PM20D2: variants seen among roughly 807,000 people sequenced by gnomAD.
PM20D2 encodes xaa-Arg dipeptidase.
In PM20D2, 33 loss-of-function variants were observed where a neutral mutation model predicts 42.9. The observed-to-expected ratio is 0.77, with a 90% confidence interval of 0.58 to 1.03. The LOEUF (loss-of-function observed/expected upper bound fraction) is 1.03. Among genes scored for constraint, PM20D2 ranks in the 50% least tolerant of loss-of-function variants. The pLI, the probability that PM20D2 is intolerant of heterozygous loss-of-function variation, is 0.00. For missense variants in PM20D2, 548 were observed against 557.0 expected, an observed-to-expected ratio of 0.98 and a Z score of 0.16; for synonymous variants, 250 against 228.2, an observed-to-expected ratio of 1.10 and a Z score of -0.86.
chr6:89,146,253 C>T lies in PM20D2; in HGVS notation c.109C>T (p.Arg37Trp), dbSNP rs756615899. 3 of 1,577,556 alleles carry T rather than the reference C, an allele frequency of 1.9e-6. No homozygotes were observed. Among genetic ancestry groups the T allele is most frequent in the Admixed American group, 1.7e-5 (1 of 58,006 alleles). ...SAECIDEAAE[R>W]LGALSRAIWS... ...GGAGTGCATCGACGAGGCGGCCGAG[C>T]GGCTGGGGGCCCTGAGCCGCGCGAT... Residue 37 changes from arginine (R) to tryptophan (W), a missense_variant, in exon 1 of 7, where the codon CGG becomes TGG. Arg to Trp is a moderately radical substitution (Grantham distance 101, BLOSUM62 -3). This residue lies in a region of PM20D2 where 470 missense variants were observed against 464.4 expected (regional missense o/e 1.01). Transcript: ENST00000275072.
the PM20D2 span, among the ~76,000 whole-genome samples, chr6:89,114,468 G>C: frequency 1.3e-5 from 2 of 152,120 alleles, no homozygotes; most frequent in African/African-American, 4.8e-5. Flanking sequence ...ATACATTATA[G>C]GGTTACTGCG....
chr6:89,117,885 C>T, the PM20D2 span: 2 of 1,562,674 alleles, frequency 1.3e-6, no homozygotes, highest in South Asian at 2.3e-5. Flanking sequence ...TGTAGCGAGA[C>T]ATGACCGCTT....
At chr6:89,099,479 T>C in the PM20D2 span, among the ~76,000 whole-genome samples, 880 of 146,722 alleles carry the variant, frequency 6.0e-3, 10 homozygotes, top group East Asian at 0.048. Context: ...TGTATATATA[T>C]ATGTGTGTGT....
chr6:89,124,515 C>A, the PM20D2 span, among the ~76,000 whole-genome samples: 1 of 152,130 alleles, frequency 6.6e-6, no homozygotes, highest in South Asian at 2.1e-4. Context: ...AGTTCTCTGG[C>A]GGGGAGTACT....
chr6:89,146,632 G>C, intron 1 of PM20D2, 23 bp downstream of exon 1: 2 of 1,381,048 alleles, frequency 1.4e-6, no homozygotes, highest in South Asian at 3.3e-5. Flanking sequence ...CCGGGTGCGG[G>C]ACCCTATCCG....
At chr6:89,127,997 G>T in the PM20D2 span, among the ~76,000 whole-genome samples, 4 of 152,158 alleles carry the variant, frequency 2.6e-5, no homozygotes, top group Non-Finnish European at 5.9e-5. Context: ...TGTGTTAACT[G>T]TACAAATTGA....
rs1771353485 is a variant in PM20D2, at chr6:89,164,748, A to T, written c.*2485A>T. The T allele has an allele frequency of 6.6e-6, 1 of 152,412 alleles. No homozygotes were observed. The highest frequency in any genetic ancestry group is 1.5e-5 in the Non-Finnish European group (1 of 67,968). 9.4% of individuals were successfully genotyped at this position (152,412 alleles called of 1,614,324 possible). On this transcript the variant is annotated 3_prime_UTR_variant, in exon 7 of 7. Transcript: ENST00000275072. ...AGACAAAATGTCTATGGTAGGGAAT[A>T]AAAGAGTTTAAGATATTATGTAAAA...
chr6:89,138,762 G>A, the PM20D2 span, among the ~76,000 whole-genome samples: 5 of 152,160 alleles, frequency 3.3e-5, no homozygotes, highest in African/African-American at 1.2e-4. Flanking sequence ...CTACTTGGGT[G>A]GCTGAGGTGG....
rs1268291886 is a variant in PM20D2 at position 89,163,750 on chromosome 6, G to C, written c.*1487G>C. 1 of 152,190 alleles carries C rather than the reference G, an allele frequency of 6.6e-6. No homozygotes were observed. Among genetic ancestry groups the C allele is most frequent in the East Asian group, 1.9e-4 (1 of 5,202 alleles). 9.4% of individuals were successfully genotyped at this position (152,190 alleles called of 1,614,324 possible). A position where few individuals can be genotyped will look rare whatever the true frequency, so the allele number is the denominator to read the frequency against. ...CTAAACTAGAGGTATAGGTGGACCTGCTTGAGGTATCTTTGTTTTTATGGA... is the reference window on the plus strand; with the variant it reads ...CTAAACTAGAGGTATAGGTGGACCTCCTTGAGGTATCTTTGTTTTTATGGA... On this transcript the variant is annotated 3_prime_UTR_variant, in exon 7 of 7. Coordinates refer to ENST00000275072, the MANE Select transcript of PM20D2 (RefSeq NM_001010853.3).
upstream of PM20D2, among the ~76,000 whole-genome samples, chr6:89,144,208 G>C (rs1478588159): frequency 8.5e-6 from 1 of 117,390 alleles, no homozygotes; most frequent in Non-Finnish European, 1.6e-5. Context: ...AGCTTGAAAT[G>C]AATCTGTCTT....
chr6:89,130,830 T>C, the PM20D2 span, among the ~76,000 whole-genome samples: 1 of 132,876 alleles, frequency 7.5e-6, no homozygotes, highest in African/African-American at 2.9e-5. Context: ...TTTTTTTTTT[T>C]TTTTTTTTTT....
the PM20D2 span, among the ~76,000 whole-genome samples, chr6:89,094,115 T>A: frequency 6.6e-6 from 1 of 151,586 alleles, no homozygotes. Flanking sequence ...GAGACAGGGT[T>A]TCACCATGTT....
chr6:89,138,884 T>C, the PM20D2 span, among the ~76,000 whole-genome samples: 1 of 151,894 alleles, frequency 6.6e-6, no homozygotes, highest in African/African-American at 2.4e-5. Context: ...AATAAATAAA[T>C]AAACAAATAA....
Position 89,162,528 on chromosome 6 carries a change from C to A in PM20D2, c.*265C>A. The A allele has an allele frequency of 3.5e-6, 1 of 288,938 alleles. No individual in the cohort carries two copies. The allele number at this position is 288,938 out of a possible 1,614,324, so 17.9% of individuals were successfully genotyped here. ...TTTTTTTTTACCCCGCAACCACTCACCTTCACAGTAGTGATACCATTTCTT... is the reference window on the plus strand; with the variant it reads ...TTTTTTTTTACCCCGCAACCACTCAACTTCACAGTAGTGATACCATTTCTT... On this transcript the variant is annotated 3_prime_UTR_variant, in exon 7 of 7. Transcript: ENST00000275072.
rs1458475319 is a variant in PM20D2, at chr6:89,146,406, C to G, written c.262C>G (p.Arg88Gly). Residue 88 changes from arginine (R) to glycine (G), a missense_variant, in exon 1 of 7, where the codon CGC (arginine) becomes GGC (glycine). Coordinates refer to ENST00000275072, the MANE Select transcript of PM20D2 (RefSeq NM_001010853.3). The part of the protein sequence containing the change: ...QPHYQLPTAF[R>G]AEWEPPEARA... ...GCACTACCAGCTGCCCACGGCCTTC[C>G]GCGCCGAGTGGGAGCCGCCGGAGGC... The G allele has an allele frequency of 6.6e-7, 1 of 1,526,202 alleles. No homozygotes were observed. 94.5% of individuals were successfully genotyped at this position (1,526,202 alleles called of 1,614,324 possible).
At chr6:89,148,646 T>G (rs1029258259) in intron 1 of PM20D2, 45 of 830,880 alleles carry the variant, frequency 5.4e-5, no homozygotes, top group Admixed American at 6.2e-5. Context: ...CATAAAGGAT[T>G]AATGAGTTCA....
chr6:89,098,536 T>C, the PM20D2 span: 259 of 1,539,814 alleles, frequency 1.7e-4, no homozygotes, highest in African/African-American at 3.2e-3. Context: ...GAGAGTTTAA[T>C]AACTTATATT....
At chr6:89,105,746 A>G in the PM20D2 span, 1 of 319,198 alleles carries the variant, frequency 3.1e-6, no homozygotes, top group African/African-American at 2.2e-5. Context: ...TAAAAATAAA[A>G]AGAACAAAAC....
rs1341359334 is a variant in PM20D2, at chr6:89,150,775, A to G, written c.614+1362A>G. 2.0e-5 allele frequency among the ~76,000 whole-genome samples: 3 copies of G among 151,404 alleles called. No individual in the cohort carries two copies. In the South Asian group the frequency reaches 6.3e-4, roughly 32 times the overall value. ...GGCTGGTCTTGAACTCCTAACCTCA[A>G]GTGATTCACCCACCTCGGCCTCCCA... On this transcript the variant is annotated intron_variant, in intron 2 of 6. Transcript: ENST00000275072.
Sources: gnomAD v4.1 joint callset for allele counts (sites outside exome capture counted in the v4.1 genomes callset) on GRCh38, gnomAD v4.1.1 for gene constraint, gnomAD v4.1.1 regional missense constraint, MANE v1.5 for transcripts, NCBI Gene and HGNC (gene_info 2026-07-23, HGNC 2026-07-21) for gene names.